Variants in GRIN2A observed in about 807,000 individuals in gnomAD.
GRIN2A encodes the protein glutamate receptor ionotropic, NMDA 2A.
A neutral mutation model predicts 113.4 loss-of-function variants in GRIN2A; 22 were observed. That is an observed-to-expected ratio of 0.19 (90% CI 0.14 to 0.28). GRIN2A has a LOEUF of 0.28. Ranked by LOEUF, GRIN2A falls within the 10% of genes least tolerant of loss-of-function variation. The pLI is 1.00. For synonymous variants in GRIN2A, 827 were observed against 738.4 expected, an observed-to-expected ratio of 1.12 and a Z score of -1.94; for missense variants, 1,502 against 1,887.0, an observed-to-expected ratio of 0.80 and a Z score of 3.78.
At chr16:10,029,354 C>T (rs993618164) in intron 2 of GRIN2A, among the ~76,000 whole-genome samples, 2 of 152,136 alleles carry the variant, frequency 1.3e-5, no homozygotes, top group East Asian at 1.9e-4. Flanking sequence ...ACCACCCACA[C>T]GTGGCAAATT....
chr16:10,054,352 C>T (rs981296307), intron 2 of GRIN2A, among the ~76,000 whole-genome samples: 8 of 152,118 alleles, frequency 5.3e-5, no homozygotes, highest in East Asian at 1.9e-4. Flanking sequence ...GGTTAGATTC[C>T]GTTTTACATC....
At chr16:9,937,557 G>T (rs2044740676) in intron 3 of GRIN2A, among the ~76,000 whole-genome samples, 1 of 152,116 alleles carries the variant, frequency 6.6e-6, no homozygotes, top group Non-Finnish European at 1.5e-5. Context: ...ATGCAGACTG[G>T]ATAACTAAAT....
intron 2 of GRIN2A, among the ~76,000 whole-genome samples, chr16:10,046,205 C>T (rs2047254523): frequency 6.6e-6 from 1 of 152,098 alleles, no homozygotes; most frequent in Non-Finnish European, 1.5e-5. Flanking sequence ...GAAATGTTCT[C>T]TCACTCTTAA....
At chr16:10,130,068 C>A (rs749779915) in intron 2 of GRIN2A, among the ~76,000 whole-genome samples, 2 of 152,110 alleles carry the variant, frequency 1.3e-5, no homozygotes, top group African/African-American at 2.4e-5. Flanking sequence ...AAAATGAGGT[C>A]ATTTACTAAG....
chr16:9,982,625 T>C (rs1037855315), intron 2 of GRIN2A, among the ~76,000 whole-genome samples: 1 of 152,356 alleles, frequency 6.6e-6, no homozygotes, highest in African/African-American at 2.4e-5. Context: ...TTTTAAAATA[T>C]CTTATTATTA....
chr16:10,059,440 A>T (rs2047512316), intron 2 of GRIN2A, among the ~76,000 whole-genome samples: 1 of 152,122 alleles, frequency 6.6e-6, no homozygotes, highest in African/African-American at 2.4e-5. Flanking sequence ...CGGGTACAGA[A>T]TTCAAGGAAG....
At chr16:10,135,308 A>G (rs1015220208) in intron 2 of GRIN2A, among the ~76,000 whole-genome samples, 4 of 152,202 alleles carry the variant, frequency 2.6e-5, no homozygotes, top group African/African-American at 9.7e-5. Context: ...TTTAACGTCC[A>G]TATTTCCACC....
chr16:9,992,027 C>G (rs559304895), intron 2 of GRIN2A, among the ~76,000 whole-genome samples: 1 of 152,138 alleles, frequency 6.6e-6, no homozygotes, highest in Admixed American at 6.5e-5. Flanking sequence ...TGTAACAAAA[C>G]TGCACGTTCT....
rs1900566733 is a variant in GRIN2A, at chr16:9,761,182, G to GGAACATTAAA, written c.*1966_*1967insTTTAATGTTC. On this transcript the variant is annotated 3_prime_UTR_variant, in exon 13 of 13. Transcript: ENST00000330684. ...CACTTTTCATTATAGGAACACTGTA[G>GGAACATTAAA]GTCAGGTGTACTTTCCCAAAGATGG... is the stretch of plus-strand genomic sequence containing the variant. 1 of 232,108 alleles carries GGAACATTAAA rather than the reference G, an allele frequency of 4.3e-6. No homozygotes were observed. Among genetic ancestry groups the GGAACATTAAA allele is most frequent in the South Asian group, 1.8e-4 (1 of 5,510 alleles). The allele number at this position is 232,108 out of a possible 1,614,324, so 14.4% of individuals were successfully genotyped here.
At chr16:9,792,328 T>C (rs1028379353) in intron 11 of GRIN2A, among the ~76,000 whole-genome samples, 4 of 152,016 alleles carry the variant, frequency 2.6e-5, no homozygotes, top group African/African-American at 9.7e-5. Flanking sequence ...GCTCAAGCAA[T>C]CCTCCTGCCT....
intron 2 of GRIN2A, among the ~76,000 whole-genome samples, chr16:9,982,204 A>C (rs1462993057): frequency 6.6e-6 from 1 of 152,170 alleles, no homozygotes; most frequent in African/African-American, 2.4e-5. Context: ...CCATGATGTC[A>C]TCTAACAGGC....
intron 2 of GRIN2A, among the ~76,000 whole-genome samples, chr16:10,072,830 A>C (rs58797003): frequency 0.14 from 21,143 of 151,980 alleles, 1,977 homozygotes; most frequent in African/African-American, 0.26. Flanking sequence ...AGTTTGGGAC[A>C]CTAGAGAATA....
At chr16:10,022,551 T>G (rs2046746222) in intron 2 of GRIN2A, among the ~76,000 whole-genome samples, 1 of 152,206 alleles carries the variant, frequency 6.6e-6, no homozygotes, top group Non-Finnish European at 1.5e-5. Context: ...AAATAAAACA[T>G]ACATCAGTGC....
At chr16:10,093,486 T>C (rs2048225021) in intron 2 of GRIN2A, among the ~76,000 whole-genome samples, 1 of 152,180 alleles carries the variant, frequency 6.6e-6, no homozygotes, top group Non-Finnish European at 1.5e-5. Context: ...CTCTCCTACA[T>C]TTGCTGCGTA....
At chr16:9,958,661 G>C (rs1437542682) in intron 2 of GRIN2A, among the ~76,000 whole-genome samples, 1 of 152,122 alleles carries the variant, frequency 6.6e-6, no homozygotes, top group Non-Finnish European at 1.5e-5. Context: ...GCTGGGGAAA[G>C]AATGCTTGCT....
chr16:9,935,274 G>C (rs928587342), intron 3 of GRIN2A, among the ~76,000 whole-genome samples: 1 of 152,090 alleles, frequency 6.6e-6, no homozygotes. Flanking sequence ...TTGTGTCTTT[G>C]GGCTGGCAGC....
chr16:10,131,037 C>T (rs1015336978), intron 2 of GRIN2A, among the ~76,000 whole-genome samples: 7 of 152,232 alleles, frequency 4.6e-5, no homozygotes, highest in South Asian at 4.1e-4. Flanking sequence ...TCTCTGCAGT[C>T]GGGACTTTTG....
chr16:9,996,849 G>C (rs1027382203), intron 2 of GRIN2A, among the ~76,000 whole-genome samples: 2 of 152,054 alleles, frequency 1.3e-5, no homozygotes, highest in African/African-American at 4.8e-5. Flanking sequence ...AAAGAAAACA[G>C]AATAAAAATA....
intron 4 of GRIN2A, among the ~76,000 whole-genome samples, chr16:9,871,094 A>G (rs1044496630): frequency 6.6e-6 from 1 of 152,086 alleles, no homozygotes; most frequent in Non-Finnish European, 1.5e-5. Flanking sequence ...TATCACAGCA[A>G]CAGATTTCCT....
Sources: allele counts gnomAD v4.1 joint callset (sites outside exome capture counted in the v4.1 genomes callset), GRCh38; gene constraint gnomAD v4.1.1; transcripts MANE v1.5; gene names NCBI Gene and HGNC (gene_info 2026-07-23, HGNC 2026-07-21).